Variants in FBXL7 observed in about 807,000 individuals in gnomAD.
FBXL7 encodes the protein F-box and leucine rich repeat protein 7.
A neutral mutation model predicts 38.3 loss-of-function variants in FBXL7; 12 were observed. The observed-to-expected ratio is 0.31, with a 90% confidence interval of 0.20 to 0.51. The LOEUF is 0.51. FBXL7 is among the 20% of genes least tolerant of loss of function. The probability of loss-of-function intolerance (pLI) is 0.98; values close to 1 mark genes in which losing one functional copy is unlikely to be tolerated. For synonymous variants in FBXL7, 297 were observed against 300.9 expected, an observed-to-expected ratio of 0.99 and a Z score of 0.13; for missense variants, 567 against 676.4, an observed-to-expected ratio of 0.84 and a Z score of 1.79.
At chr5:15,576,072 C>CTTTTTTTTTTTTTTTT (rs35832237) in intron 1 of FBXL7, among the ~76,000 whole-genome samples, 1 of 74,260 alleles carries the variant, frequency 1.3e-5, no homozygotes, top group Non-Finnish European at 2.4e-5. Flanking sequence ...GAATCTCATT[C>CTTTTTTTTTTTTTTTT]TTTTTTTTTT....
chr5:15,891,876 T>C (rs1740917841), intron 2 of FBXL7, among the ~76,000 whole-genome samples: 3 of 152,110 alleles, frequency 2.0e-5, no homozygotes, highest in Non-Finnish European at 4.4e-5. Flanking sequence ...AGTGGCGGTG[T>C]TGGAACTTAG....
intron 1 of FBXL7, chr5:15,501,644 A>G: frequency 1.4e-5 from 14 of 985,500 alleles, no homozygotes; most frequent in Non-Finnish European, 1.7e-5. Context: ...ACTGGTAGGA[A>G]TGCAGGCTAG....
chr5:15,574,084 G>C (rs1738879305), intron 1 of FBXL7, among the ~76,000 whole-genome samples: 1 of 152,066 alleles, frequency 6.6e-6, no homozygotes. Context: ...GCTTTCTATT[G>C]TCTATACCTG....
intron 2 of FBXL7, among the ~76,000 whole-genome samples, chr5:15,646,674 T>TC (rs1160996074): frequency 6.6e-6 from 1 of 152,208 alleles, no homozygotes; most frequent in African/African-American, 2.4e-5. Flanking sequence ...TGTTTTGCAA[T>TC]CCCCTAAATT....
chr5:15,665,774 C>T (rs1463211961), intron 2 of FBXL7, among the ~76,000 whole-genome samples: 1 of 152,164 alleles, frequency 6.6e-6, no homozygotes, highest in Non-Finnish European at 1.5e-5. Flanking sequence ...TGTATTTGCG[C>T]TCAAAGTATC....
chr5:15,686,399 A>G (rs969525726), intron 2 of FBXL7, among the ~76,000 whole-genome samples: 3 of 152,244 alleles, frequency 2.0e-5, no homozygotes, highest in South Asian at 2.1e-4. Context: ...ATTTGACAGC[A>G]CTTAAGTAAT....
chr5:15,913,255 GT>G (rs10711947), intron 2 of FBXL7, among the ~76,000 whole-genome samples: 24,989 of 125,914 alleles, frequency 0.2, 2,343 homozygotes, highest in African/African-American at 0.29. Flanking sequence ...TTTTTTTAAT[GT>G]TTTTTTTTAT....
Position 15,888,140 on chromosome 5 carries a change from A to C in FBXL7, c.128-39750A>C, listed in dbSNP as rs572232204. Among the ~76,000 whole-genome samples the C allele has an allele frequency of 9.2e-5, 14 of 152,290 alleles. 1 individual carries two copies. The highest frequency in any genetic ancestry group is 3.4e-4 in the African/African-American group (14 of 41,556). On this transcript the variant is annotated intron_variant, in intron 2 of 3. Transcript: ENST00000504595. The stretch of plus-strand genomic sequence containing the variant: ...ATCCAGGAAATTGTCAATAAGAATC[A>C]ATTTTGCCCTCCAAATTCTGATGAA...
chr5:15,749,613 C>G (rs991119837), intron 2 of FBXL7, among the ~76,000 whole-genome samples: 1 of 151,782 alleles, frequency 6.6e-6, no homozygotes, highest in Non-Finnish European at 1.5e-5. Context: ...GGGGACAGAG[C>G]GAGACTCCGT....
chr5:15,800,091 A>G (rs1737522526), intron 2 of FBXL7, among the ~76,000 whole-genome samples: 1 of 152,202 alleles, frequency 6.6e-6, no homozygotes, highest in African/African-American at 2.4e-5. Context: ...CCATTTTTGT[A>G]GATTCCTTGA....
intron 2 of FBXL7, among the ~76,000 whole-genome samples, chr5:15,782,419 G>A (rs527292902): frequency 6.6e-6 from 1 of 152,222 alleles, no homozygotes; most frequent in Admixed American, 6.5e-5. Context: ...TTCCACAATG[G>A]TTGAATTAAT....
At chr5:15,764,837 T>C (rs1325809342) in intron 2 of FBXL7, among the ~76,000 whole-genome samples, 1 of 152,238 alleles carries the variant, frequency 6.6e-6, no homozygotes, top group Non-Finnish European at 1.5e-5. Flanking sequence ...CTTACCATAA[T>C]CTAGAGCAGA....
At position 15,544,337 on chromosome 5, in the gene FBXL7, T is replaced by C. The variant is rs560373421; in HGVS notation, c.37+43624T>C. Among the ~76,000 whole-genome samples, 9 of 152,346 alleles carry C rather than the reference T, an allele frequency of 5.9e-5. No individual in the cohort carries two copies. The East Asian group carries it at 1.7e-3, about 29-fold the overall frequency. ...TGCTTATCCATCCAGGCTTCTCCCT[T>C]GTTTCAGTACGTCAAGGGAACCTCA... On this transcript the variant is annotated intron_variant, in intron 1 of 3. Transcript: ENST00000504595.
intron 2 of FBXL7, among the ~76,000 whole-genome samples, chr5:15,805,619 C>T (rs1054640084): frequency 6.6e-6 from 1 of 152,086 alleles, no homozygotes; most frequent in Non-Finnish European, 1.5e-5. Flanking sequence ...CTTCTTATAA[C>T]TAGTCCACAC....
chr5:15,901,405 C>G (rs77390794), intron 2 of FBXL7, among the ~76,000 whole-genome samples: 1 of 152,180 alleles, frequency 6.6e-6, no homozygotes, highest in Non-Finnish European at 1.5e-5. Context: ...GACCTAATCA[C>G]GTCCCAAAGA....
chr5:15,510,970 G>T (rs75164324), intron 1 of FBXL7, among the ~76,000 whole-genome samples: 1 of 152,116 alleles, frequency 6.6e-6, no homozygotes, highest in East Asian at 1.9e-4. Context: ...ACTGAGTCAC[G>T]CCGGATTTCC....
chr5:15,788,632 T>C (rs1294288422), intron 2 of FBXL7, among the ~76,000 whole-genome samples: 1 of 151,724 alleles, frequency 6.6e-6, no homozygotes, highest in East Asian at 1.9e-4. Flanking sequence ...GAAACATCAC[T>C]CTCCCCATTC....
chr5:15,930,021 G>A (rs919883915), intron 3 of FBXL7, among the ~76,000 whole-genome samples: 9 of 152,268 alleles, frequency 5.9e-5, no homozygotes, highest in African/African-American at 1.9e-4. Context: ...GAAAGCCGAC[G>A]TCTGAAAATA....
At chr5:15,628,220 CTAAA>C (rs1008677275) in intron 2 of FBXL7, among the ~76,000 whole-genome samples, 178 of 152,166 alleles carry the variant, frequency 1.2e-3, no homozygotes, top group African/African-American at 3.8e-3. Flanking sequence ...ATTTATTCTT[CTAAA>C]TAGTGAGACA....
Sources: allele counts gnomAD v4.1 joint callset (sites outside exome capture counted in the v4.1 genomes callset), GRCh38; gene constraint gnomAD v4.1.1; transcripts MANE v1.5; gene names NCBI Gene and HGNC (gene_info 2026-07-23, HGNC 2026-07-21).